TENM3: variants seen among roughly 807,000 people sequenced by gnomAD.
The protein encoded by TENM3 is teneurin transmembrane protein 3.
In TENM3, 63 loss-of-function variants were observed where a neutral mutation model predicts 255.1. That is an observed-to-expected ratio of 0.25 (90% CI 0.20 to 0.30). The LOEUF (loss-of-function observed/expected upper bound fraction) is 0.30. Among genes scored for constraint, TENM3 ranks in the 10% least tolerant of loss-of-function variants. The pLI is 1.00. For synonymous variants in TENM3, 1,306 were observed against 1,322.3 expected, an observed-to-expected ratio of 0.99 and a Z score of 0.27; for missense variants, 2,929 against 3,461.1, an observed-to-expected ratio of 0.85 and a Z score of 3.86.
chr4:181,773,967 T>G, the TENM3 span, among the ~76,000 whole-genome samples: 1 of 151,424 alleles, frequency 6.6e-6, no homozygotes, highest in Admixed American at 6.6e-5. Context: ...AGCTATAACT[T>G]GTTAATTTGA....
chr4:182,362,250 CT>C (rs1561365979), intron 3 of TENM3, among the ~76,000 whole-genome samples: 1 of 152,150 alleles, frequency 6.6e-6, no homozygotes, highest in African/African-American at 2.4e-5. Context: ...CTCTTCAAAG[CT>C]GTCAGACAGG....
chr4:182,182,019 A>C (rs1422562981), intron 1 of TENM3, among the ~76,000 whole-genome samples: 1 of 152,028 alleles, frequency 6.6e-6, no homozygotes, highest in Non-Finnish European at 1.5e-5. Context: ...CAGTTTTCTG[A>C]CTGATATAAG....
chr4:182,594,987 A>G (rs1388793126), intron 3 of TENM3, among the ~76,000 whole-genome samples: 1 of 152,092 alleles, frequency 6.6e-6, no homozygotes, highest in Non-Finnish European at 1.5e-5. Flanking sequence ...AAGTGTTGGG[A>G]TTACAGGTGT....
the TENM3 span, among the ~76,000 whole-genome samples, chr4:181,974,543 G>T: frequency 2.6e-5 from 4 of 151,980 alleles, no homozygotes; most frequent in African/African-American, 9.7e-5. Flanking sequence ...ACTCCAGCCT[G>T]GGCAACAGAG....
chr4:182,201,793 T>G (rs534473032), intron 1 of TENM3, among the ~76,000 whole-genome samples: 1 of 152,302 alleles, frequency 6.6e-6, no homozygotes, highest in East Asian at 1.9e-4. Flanking sequence ...ACCCACTGCC[T>G]CTGAAGAACA....
the TENM3 span, among the ~76,000 whole-genome samples, chr4:181,844,223 C>T: frequency 3.9e-5 from 6 of 152,152 alleles, no homozygotes; most frequent in Non-Finnish European, 8.8e-5. Context: ...TCTCTCAACA[C>T]TGTTGCATTG....
chr4:181,679,422 CCTT>C, the TENM3 span, among the ~76,000 whole-genome samples: 1 of 152,106 alleles, frequency 6.6e-6, no homozygotes, highest in Non-Finnish European at 1.5e-5. Context: ...ACATTATAAA[CCTT>C]CTTCTTAACA....
intron 1 of TENM3, among the ~76,000 whole-genome samples, chr4:182,160,116 C>A (rs1213298635): frequency 6.7e-6 from 1 of 150,324 alleles, no homozygotes; most frequent in Non-Finnish European, 1.5e-5. Context: ...CATTCTCCTG[C>A]CTCAGCCTCC....
intron 24 of TENM3, among the ~76,000 whole-genome samples, chr4:182,780,687 A>C (rs1484117891): frequency 6.7e-6 from 1 of 149,976 alleles, no homozygotes; most frequent in African/African-American, 2.5e-5. Context: ...CCTACCCATG[A>C]GCATGGAATG....
At chr4:182,615,034 A>G in intron 4 of TENM3, among the ~76,000 whole-genome samples, 1 of 88,196 alleles carries the variant, frequency 1.1e-5, no homozygotes, top group African/African-American at 3.4e-5. Flanking sequence ...CTCAGAAAAA[A>G]AAAAAAAAAT....
the TENM3 span, among the ~76,000 whole-genome samples, chr4:181,682,937 G>T: frequency 6.6e-6 from 1 of 151,916 alleles, no homozygotes; most frequent in Non-Finnish European, 1.5e-5. Flanking sequence ...AATAAGGCTA[G>T]GCATGGTAGC....
the TENM3 span, among the ~76,000 whole-genome samples, chr4:181,542,122 AT>A: frequency 6.6e-6 from 1 of 152,212 alleles, no homozygotes; most frequent in Non-Finnish European, 1.5e-5. Context: ...GGAACAAGAT[AT>A]TTCATGCTAT....
At chr4:181,523,326 T>A in the TENM3 span, among the ~76,000 whole-genome samples, 1 of 152,146 alleles carries the variant, frequency 6.6e-6, no homozygotes, top group Admixed American at 6.5e-5. Flanking sequence ...GAAAAACTAC[T>A]ATCTGATTTG....
the TENM3 span, among the ~76,000 whole-genome samples, chr4:181,985,909 A>G: frequency 1.3e-5 from 2 of 152,020 alleles, no homozygotes; most frequent in Non-Finnish European, 2.9e-5. Flanking sequence ...ACCTCTAGTT[A>G]CCTGCACCCT....
intron 3 of TENM3, among the ~76,000 whole-genome samples, chr4:182,589,357 C>A (rs1350661195): frequency 2.0e-5 from 3 of 151,806 alleles, no homozygotes; most frequent in Non-Finnish European, 4.4e-5. Context: ...ATTTTAATTT[C>A]AATGACTACA....
chr4:182,622,991 T>C (rs1750438037), intron 4 of TENM3, among the ~76,000 whole-genome samples: 1 of 151,698 alleles, frequency 6.6e-6, no homozygotes, highest in South Asian at 2.1e-4. Context: ...TTTTTATTTT[T>C]ATTTTTTTAG....
intron 3 of TENM3, among the ~76,000 whole-genome samples, chr4:182,599,610 A>G (rs1274976025): frequency 6.6e-6 from 1 of 152,114 alleles, no homozygotes; most frequent in Middle Eastern, 3.2e-3. Flanking sequence ...TGTACCCTGT[A>G]AAGAGGTTTG....
chr4:182,553,456 C>G (rs1027739178), intron 3 of TENM3, among the ~76,000 whole-genome samples: 1 of 151,064 alleles, frequency 6.6e-6, no homozygotes, highest in African/African-American at 2.4e-5. Context: ...GTGCAGCACA[C>G]CAACATGGCA....
intron 22 of TENM3, among the ~76,000 whole-genome samples, chr4:182,763,911 T>C (rs553260149): frequency 2.0e-5 from 3 of 152,338 alleles, no homozygotes; most frequent in African/African-American, 7.2e-5. Context: ...TGTATCCATA[T>C]CCAATGAAAG....
Sources: allele counts gnomAD v4.1 joint callset (sites outside exome capture counted in the v4.1 genomes callset), GRCh38; gene constraint gnomAD v4.1.1; transcripts MANE v1.5; gene names NCBI Gene and HGNC (gene_info 2026-07-23, HGNC 2026-07-21).